Variants in ZMAT5 observed in about 807,000 individuals in gnomAD.
ZMAT5 encodes the protein zinc finger matrin-type 5.
Under a neutral mutation model 28.0 loss-of-function variants are expected in ZMAT5, and 23 were observed. The ratio of observed to expected loss-of-function variants is 0.82; its 90% CI spans 0.59 to 1.16. The LOEUF is 1.16. Ranked by LOEUF, ZMAT5 falls within the 50% of genes most tolerant of loss-of-function variation. ZMAT5 has a pLI of 0.00. For missense variants in ZMAT5, 173 were observed against 212.7 expected, an observed-to-expected ratio of 0.81 and a Z score of 1.16; for synonymous variants, 76 against 84.1, an observed-to-expected ratio of 0.90 and a Z score of 0.52.
In ZMAT5 at chr22:29,738,357, T is replaced by C. The variant is rs2067927497; in HGVS notation, c.356A>G (p.Lys119Arg). 2.5e-6 allele frequency: 4 copies of C among 1,609,062 alleles called. No homozygotes were observed. In the South Asian group the frequency reaches 4.4e-5, roughly 18 times the overall value. The change falls in exon 5 of 6, where the codon AAG (lysine) becomes AGG (arginine). Residue 119 changes from lysine (K) to arginine (R), a missense_variant. Physicochemically the swap from Lys to Arg is conservative, Grantham distance 26. Transcript: ENST00000344318. Reference sequence around the variant, plus strand: ...GCTACTTGGGGCTGAGCTCAGCCGCTTGGCTCTCTTCTCCAGCCAGTCCTC... The same window carrying C: ...GCTACTTGGGGCTGAGCTCAGCCGCCTGGCTCTCTTCTCCAGCCAGTCCTC... ...HLEDWLEKRA[K>R]RLSSAPSSRA...
chr22:29,731,221 G>A lies in ZMAT5; in HGVS notation c.*4C>T. 2.7e-6 allele frequency: 4 copies of A among 1,493,320 alleles called. No individual in the cohort carries two copies. Among genetic ancestry groups the A allele is most frequent in the Non-Finnish European group, 3.5e-6 (4 of 1,132,054 alleles). The allele number at this position is 1,493,320 out of a possible 1,614,324, so 92.5% of individuals were successfully genotyped here. A position where few individuals can be genotyped will look rare whatever the true frequency, so the allele number is the denominator to read the frequency against. ...CACGTGGGGGTCAGTCGGGGGCAAG[G>A]GGCTCAGCCCCACTGGACTCTGGGC... is the stretch of plus-strand genomic sequence containing the variant. On this transcript the variant is annotated 3_prime_UTR_variant, in exon 6 of 6. Coordinates refer to ENST00000344318, the MANE Select transcript of ZMAT5 (RefSeq NM_001003692.2).
chr22:29,749,051 T>C (rs915870001), intron 1 of ZMAT5, among the ~76,000 whole-genome samples: 1 of 152,016 alleles, frequency 6.6e-6, no homozygotes, highest in Non-Finnish European at 1.5e-5. Context: ...TTATACCCTG[T>C]GGCTGGCCTC....
At chr22:29,736,547 C>CT (rs1166418995) in intron 5 of ZMAT5, among the ~76,000 whole-genome samples, 1 of 151,216 alleles carries the variant, frequency 6.6e-6, no homozygotes, top group Admixed American at 6.6e-5. Flanking sequence ...CAGCGAAACT[C>CT]TGTCTCTACT....
At chr22:29,739,028 AGAG>A (rs1474580204) in intron 4 of ZMAT5, among the ~76,000 whole-genome samples, 2 of 129,140 alleles carry the variant, frequency 1.5e-5, no homozygotes, top group South Asian at 2.5e-4. Context: ...AAAAAAAGAG[AGAG>A]AGAGCCTGGC....
At chr22:29,734,126 A>C (rs140105) in intron 5 of ZMAT5, among the ~76,000 whole-genome samples, 2 of 152,098 alleles carry the variant, frequency 1.3e-5, no homozygotes, top group Non-Finnish European at 1.5e-5. Flanking sequence ...AGAGTCGCAA[A>C]CTGAAGAGCC....
chr22:29,738,218 C>T (rs920156146), intron 5 of ZMAT5, 112 bp downstream of exon 5: 30 of 1,050,784 alleles, frequency 2.9e-5, no homozygotes, highest in Admixed American at 1.8e-4. Flanking sequence ...CAACTTTATT[C>T]GGCCCCTGGG....
intron 2 of ZMAT5, chr22:29,747,476 T>C (rs964917719): frequency 6.6e-6 from 1 of 152,468 alleles, no homozygotes; most frequent in African/African-American, 2.4e-5. Flanking sequence ...TTTGGTTCCT[T>C]CTTCGGAGGC....
At chr22:29,753,558 G>A (rs544152638) in intron 1 of ZMAT5, among the ~76,000 whole-genome samples, 7 of 151,834 alleles carry the variant, frequency 4.6e-5, no homozygotes, top group South Asian at 2.1e-4. Context: ...GTGTGGTGGC[G>A]CATGCCTGTA....
intron 1 of ZMAT5, among the ~76,000 whole-genome samples, chr22:29,755,723 T>C (rs2055268160): frequency 8.1e-6 from 1 of 123,798 alleles, no homozygotes; most frequent in South Asian, 2.9e-4. Flanking sequence ...TTACTGTTAG[T>C]GTCAGTAACA....
At chr22:29,749,354 C>G (rs2068037442) in intron 1 of ZMAT5, among the ~76,000 whole-genome samples, 1 of 152,046 alleles carries the variant, frequency 6.6e-6, no homozygotes, top group East Asian at 1.9e-4. Context: ...ATTACAGGTA[C>G]GAGCCACCGC....
intron 5 of ZMAT5, among the ~76,000 whole-genome samples, chr22:29,734,225 G>T (rs545129858): frequency 2.5e-4 from 38 of 152,236 alleles, no homozygotes; most frequent in Non-Finnish European, 5.3e-4. Context: ...ATCCCTCAGG[G>T]TCAGTCTGCG....
intron 1 of ZMAT5, among the ~76,000 whole-genome samples, chr22:29,755,956 G>C (rs73392822): frequency 6.6e-6 from 1 of 152,188 alleles, no homozygotes; most frequent in Admixed American, 6.5e-5. Context: ...CTGTCCTGCC[G>C]TGAGGCTGCT....
chr22:29,748,233 C>T (rs1175047158), intron 2 of ZMAT5, 185 bp downstream of exon 2: 8 of 766,726 alleles, frequency 1.0e-5, no homozygotes, highest in African/African-American at 1.7e-5. Flanking sequence ...CTTCAGTCAG[C>T]GTTGTTGGGG....
chr22:29,737,027 A>G (rs1774640091), intron 5 of ZMAT5, among the ~76,000 whole-genome samples: 2 of 145,484 alleles, frequency 1.4e-5, no homozygotes, highest in South Asian at 4.3e-4. Flanking sequence ...ATCCGTCTCA[A>G]AAAAAAAAAA....
chr22:29,764,660 C>T (rs976953654), intron 1 of ZMAT5, among the ~76,000 whole-genome samples: 1 of 152,148 alleles, frequency 6.6e-6, no homozygotes, highest in Non-Finnish European at 1.5e-5. Flanking sequence ...ACCACCACAC[C>T]TGGCTAATTT....
At chr22:29,731,587 A>C (rs1601711460) in intron 5 of ZMAT5, 1 of 494,536 alleles carries the variant, frequency 2.0e-6, no homozygotes, top group African/African-American at 2.1e-5. Context: ...GCTGCGAGAC[A>C]ATGGGAATAA....
chr22:29,759,323 A>G (rs561251848), intron 1 of ZMAT5, among the ~76,000 whole-genome samples: 1 of 152,198 alleles, frequency 6.6e-6, no homozygotes, highest in South Asian at 2.1e-4. Context: ...CACTGTCACT[A>G]CTGCCCAAGA....
chr22:29,747,099 G>C (rs547832816), intron 2 of ZMAT5: 3 of 152,270 alleles, frequency 2.0e-5, no homozygotes, highest in African/African-American at 7.2e-5. Flanking sequence ...ACCTGCCTCT[G>C]GGGAGGGGAT....
intron 5 of ZMAT5, among the ~76,000 whole-genome samples, chr22:29,738,118 G>A (rs1021954133): frequency 2.0e-5 from 3 of 152,126 alleles, no homozygotes; most frequent in Admixed American, 6.5e-5. Flanking sequence ...TCCAACAGGG[G>A]CCCAGCTTTG....
Sources: allele counts gnomAD v4.1 joint callset (sites outside exome capture counted in the v4.1 genomes callset), GRCh38; gene constraint gnomAD v4.1.1; transcripts MANE v1.5; gene names NCBI Gene and HGNC (gene_info 2026-07-23, HGNC 2026-07-21).